Variants in BMPR2 observed in about 807,000 individuals in gnomAD.
BMPR2 encodes the protein bone morphogenetic protein receptor type 2, also known as bone morphogenetic protein receptor type-2.
In BMPR2, 29 loss-of-function variants were observed where a neutral mutation model predicts 100.8. The ratio of observed to expected loss-of-function variants is 0.29; its 90% confidence interval spans 0.21 to 0.39. The LOEUF is 0.39. Among genes scored for constraint, BMPR2 ranks in the 10% least tolerant of loss-of-function variants. The pLI is 1.00. For synonymous variants in BMPR2, 382 were observed against 442.3 expected (o/e 0.86, Z 1.71); for missense variants, 1,011 against 1,274.5 (o/e 0.79, Z 3.15).
intron 3 of BMPR2, among the ~76,000 whole-genome samples, chr2:202,479,658 A>C (rs1347501295): frequency 1.3e-5 from 2 of 152,128 alleles, no homozygotes; most frequent in Non-Finnish European, 2.9e-5. Context: ...TGGGGTGTGC[A>C]GTAATAAGCA....
intron 9 of BMPR2, among the ~76,000 whole-genome samples, chr2:202,537,801 T>A (rs1351324105): frequency 1.3e-5 from 2 of 151,572 alleles, no homozygotes; most frequent in Non-Finnish European, 2.9e-5. Context: ...AGAGAAGAAA[T>A]CTGTACTTGT....
At chr2:202,459,809 A>G (rs1692190730) in intron 1 of BMPR2, among the ~76,000 whole-genome samples, 1 of 152,250 alleles carries the variant, frequency 6.6e-6, no homozygotes, top group Non-Finnish European at 1.5e-5. Context: ...AAAAGAAACT[A>G]TCAACAGGGT....
Position 202,536,888 on chromosome 2 carries a change from A to G in BMPR2, c.1276+4156A>G, listed in dbSNP as rs1043725678. 4.0e-5 allele frequency among the ~76,000 whole-genome samples: 6 copies of G among 151,732 alleles called. 1 individual carries two copies. Among genetic ancestry groups the G allele is most frequent in the South Asian group, 4.2e-4 (2 of 4,808 alleles). ...TCGGTCTCAAAAAAAAAAAAAAAAA[A>G]AAGAAGTACTTTTTTTGTTTTGTTT... On this transcript the variant is annotated intron_variant, in intron 9 of 12. Coordinates refer to ENST00000374580, the MANE Select transcript of BMPR2 (RefSeq NM_001204.7).
chr2:202,435,376 C>CATATATATATATAT lies in BMPR2; in HGVS notation c.77-29414_77-29401dup, dbSNP rs141854934. On this transcript the variant is annotated intron_variant, in intron 1 of 12. Transcript: ENST00000374580. Reference sequence around the variant, plus strand: ...CAGATCCTGTCTCAAAAAAAAAATACATATATATATATATATATATATATA... The same window carrying CATATATATATATAT: ...CAGATCCTGTCTCAAAAAAAAAATACATATATATATATATATATATATATATATATATATATATA... Among the ~76,000 whole-genome samples the CATATATATATATAT allele has an allele frequency of 7.7e-3, 800 of 103,332 alleles. 12 individuals carry two copies. Among genetic ancestry groups the CATATATATATATAT allele is most frequent in the Non-Finnish European group, 0.01 (562 of 54,788 alleles). The allele number at this position is 103,332 out of a possible 152,430, so 67.8% of individuals were successfully genotyped here.
chr2:202,420,694 A>G (rs1691245477), intron 1 of BMPR2, among the ~76,000 whole-genome samples: 1 of 151,490 alleles, frequency 6.6e-6, no homozygotes, highest in African/African-American at 2.4e-5. Context: ...CCACAGGTGC[A>G]TGCCACCATG....
At chr2:202,438,537 A>G (rs1691663285) in intron 1 of BMPR2, among the ~76,000 whole-genome samples, 9 of 117,524 alleles carry the variant, frequency 7.7e-5, no homozygotes. Flanking sequence ...TACCTAATCC[A>G]GGATCATAAA....
At position 202,467,437 on chromosome 2, in the gene BMPR2, G is replaced by A. The variant is rs1692346636; in HGVS notation, c.248-82G>A. ...GCTTACACGTACTCTCACATTTATT[G>A]AAATTACTGCTTAGTTTGTTGTTTT... On this transcript the variant is annotated intron_variant, in intron 2 of 12. Coordinates refer to ENST00000374580, the MANE Select transcript of BMPR2 (RefSeq NM_001204.7). 4.3e-5 allele frequency: 52 copies of A among 1,222,516 alleles called. No individual in the cohort carries two copies. The South Asian group carries it at 6.0e-4, about 14-fold the overall frequency. The allele number at this position is 1,222,516 out of a possible 1,614,324, so 75.7% of individuals were successfully genotyped here. A position where few individuals can be genotyped will look rare whatever the true frequency, so the allele number is the denominator to read the frequency against.
intron 1 of BMPR2, among the ~76,000 whole-genome samples, chr2:202,439,057 T>C (rs1417310987): frequency 6.6e-6 from 1 of 150,540 alleles, no homozygotes; most frequent in Non-Finnish European, 1.5e-5. Flanking sequence ...TTGGGGAGTA[T>C]TGACATCTTA....
chr2:202,393,935 T>G (rs894163827), intron 1 of BMPR2, among the ~76,000 whole-genome samples: 104 of 61,034 alleles, frequency 1.7e-3, no homozygotes, highest in Admixed American at 3.3e-3. Context: ...GAGAGAGAGA[T>G]TCCTGTGAGA....
At chr2:202,416,586 C>T (rs1300748198) in intron 1 of BMPR2, among the ~76,000 whole-genome samples, 1 of 151,724 alleles carries the variant, frequency 6.6e-6, no homozygotes, top group Non-Finnish European at 1.5e-5. Flanking sequence ...CCACCACGCC[C>T]AGCTAATTTT....
intron 12 of BMPR2, among the ~76,000 whole-genome samples, chr2:202,557,464 AAC>A (rs138065331): frequency 0.23 from 28,119 of 124,964 alleles, 2,922 homozygotes; most frequent in African/African-American, 0.26. Context: ...CTCTGTCTCA[AAC>A]ACACACACAC....
At chr2:202,505,827 T>C (rs1687509905) in intron 3 of BMPR2, among the ~76,000 whole-genome samples, 1 of 152,244 alleles carries the variant, frequency 6.6e-6, no homozygotes, top group Non-Finnish European at 1.5e-5. Context: ...GGGAGTGTAA[T>C]ATTATCAATA....
Position 202,567,078 on chromosome 2 carries a change from T to C in BMPR2, c.*7132T>C, listed in dbSNP as rs1688774925. 1.3e-5 allele frequency: 2 copies of C among 152,220 alleles called. No individual in the cohort carries two copies. Among genetic ancestry groups the C allele is most frequent in the East Asian group, 3.8e-4 (2 of 5,202 alleles). 9.4% of individuals were successfully genotyped at this position (152,220 alleles called of 1,614,324 possible). ...TGTATGCCTTGTTATTTCATTTCCATAGAGATTATATTGTATCAGTGTTTA... is the reference window on the plus strand; with the variant it reads ...TGTATGCCTTGTTATTTCATTTCCACAGAGATTATATTGTATCAGTGTTTA... On this transcript the variant is annotated 3_prime_UTR_variant, in exon 13 of 13. Transcript: ENST00000374580.
chr2:202,512,138 G>A (rs1278611489), intron 3 of BMPR2, among the ~76,000 whole-genome samples: 2 of 152,082 alleles, frequency 1.3e-5, no homozygotes, highest in African/African-American at 2.4e-5. Flanking sequence ...ATTTTAATAA[G>A]CAACTTCTAC....
intron 1 of BMPR2, among the ~76,000 whole-genome samples, chr2:202,392,284 T>C (rs1358708368): frequency 6.6e-6 from 1 of 151,928 alleles, no homozygotes; most frequent in Non-Finnish European, 1.5e-5. Flanking sequence ...TTGTCCAGGC[T>C]GGTCTGGAAC....
At chr2:202,474,095 ACT>A (rs1692490433) in intron 3 of BMPR2, among the ~76,000 whole-genome samples, 1 of 151,974 alleles carries the variant, frequency 6.6e-6, no homozygotes, top group South Asian at 2.1e-4. Flanking sequence ...ACAGAGCGAG[ACT>A]CTGTCTCACC....
chr2:202,386,702 A>G (rs1260117448), intron 1 of BMPR2, among the ~76,000 whole-genome samples: 3 of 149,994 alleles, frequency 2.0e-5, no homozygotes, highest in Non-Finnish European at 4.4e-5. Flanking sequence ...TTTTTGCCAG[A>G]CAGAGTCTTG....
chr2:202,423,595 A>G (rs1184438892), intron 1 of BMPR2, among the ~76,000 whole-genome samples: 1 of 152,084 alleles, frequency 6.6e-6, no homozygotes, highest in Non-Finnish European at 1.5e-5. Flanking sequence ...GTCTCTACAA[A>G]AATTTTAAAA....
At chr2:202,519,978 T>A in intron 6 of BMPR2, 109 bp from the exon 7 acceptor site, 1 of 709,228 alleles carries the variant, frequency 1.4e-6, no homozygotes, top group Non-Finnish European at 2.5e-6. Flanking sequence ...TAGATCTTCA[T>A]GGAATCCTAG....
Sources: gnomAD v4.1 joint callset for allele counts (sites outside exome capture counted in the v4.1 genomes callset) on GRCh38, gnomAD v4.1.1 for gene constraint, MANE v1.5 for transcripts, NCBI Gene and HGNC (gene_info 2026-07-23, HGNC 2026-07-21) for gene names.